GPHN: variants seen among roughly 807,000 people sequenced by gnomAD.
GPHN encodes gephyrin.
In GPHN, 17 loss-of-function variants were observed where a neutral mutation model predicts 95.5. The ratio of observed to expected loss-of-function variants is 0.18; its 90% CI spans 0.12 to 0.27. The LOEUF (loss-of-function observed/expected upper bound fraction) is 0.27, where lower values mean the gene tolerates loss of function less well. Among genes scored for constraint, GPHN ranks in the 10% least tolerant of loss-of-function variants. GPHN has a pLI of 1.00. For synonymous variants in GPHN, 320 were observed against 322.5 expected (o/e 0.99, Z 0.08); for missense variants, 660 against 978.1 (o/e 0.67, Z 4.34).
the GPHN span, chr14:67,734,156 A>T: frequency 5.1e-5 from 17 of 331,442 alleles, no homozygotes; most frequent in African/African-American, 3.4e-4. Flanking sequence ...AGCCCGAGAA[A>T]TTGGGTCAGT....
At chr14:67,003,127 T>G (rs542647338) in intron 9 of GPHN, among the ~76,000 whole-genome samples, 6 of 151,766 alleles carry the variant, frequency 4.0e-5, no homozygotes, top group African/African-American at 1.4e-4. Flanking sequence ...TCCCATTTAG[T>G]GTCTGGATTA....
intron 11 of GPHN, among the ~76,000 whole-genome samples, chr14:67,063,039 T>G (rs2075888766): frequency 6.6e-6 from 1 of 152,204 alleles, no homozygotes; most frequent in Non-Finnish European, 1.5e-5. Context: ...TCTTCTAGGA[T>G]TTTTATGGTT....
chr14:66,656,129 A>G (rs1394277205), intron 1 of GPHN, among the ~76,000 whole-genome samples: 2 of 152,022 alleles, frequency 1.3e-5, no homozygotes, highest in African/African-American at 4.8e-5. Context: ...ATCCATTTGG[A>G]TATTCCCTCC....
At chr14:67,103,243 T>C (rs1047600909) in intron 13 of GPHN, among the ~76,000 whole-genome samples, 2 of 152,168 alleles carry the variant, frequency 1.3e-5, no homozygotes, top group Non-Finnish European at 1.5e-5. Flanking sequence ...GTCCAAACCA[T>C]GCTATTTCAG....
intron 2 of GPHN, among the ~76,000 whole-genome samples, chr14:66,726,635 T>C (rs1213749119): frequency 6.6e-6 from 1 of 152,226 alleles, no homozygotes; most frequent in Non-Finnish European, 1.5e-5. Context: ...GCCTCATATG[T>C]ATTCAAATAT....
At chr14:67,491,268 C>T in the GPHN span, among the ~76,000 whole-genome samples, 1 of 152,212 alleles carries the variant, frequency 6.6e-6, no homozygotes, top group South Asian at 2.1e-4. Flanking sequence ...CCCACCAGCA[C>T]CGCCACATGT....
the GPHN span, chr14:67,686,297 G>T: frequency 1.3e-5 from 2 of 152,202 alleles, no homozygotes; most frequent in Non-Finnish European, 2.9e-5. Context: ...ACCTCACAGG[G>T]TAGTTATGAG....
At chr14:67,323,261 G>GTGTATATA in the GPHN span, among the ~76,000 whole-genome samples, 1,496 of 124,162 alleles carry the variant, frequency 0.012, 42 homozygotes, top group African/African-American at 0.038. Context: ...GTGTGTGTGT[G>GTGTATATA]TATATATATA....
At chr14:67,065,460 A>G (rs564215238) in intron 11 of GPHN, among the ~76,000 whole-genome samples, 4 of 152,302 alleles carry the variant, frequency 2.6e-5, no homozygotes, top group East Asian at 1.9e-4. Flanking sequence ...TGCTTGGTCC[A>G]GAGCTGAGTT....
chr14:67,575,245 G>T, the GPHN span: 1 of 582,838 alleles, frequency 1.7e-6, no homozygotes, highest in Non-Finnish European at 3.1e-6. Context: ...ACTGTGAAAG[G>T]GGTGGTTCCA....
the GPHN span, among the ~76,000 whole-genome samples, chr14:67,314,480 C>A: frequency 3.3e-4 from 50 of 152,280 alleles, no homozygotes; most frequent in African/African-American, 1.2e-3. Flanking sequence ...GAATGGACTT[C>A]TTACATTTAT....
intron 9 of GPHN, among the ~76,000 whole-genome samples, chr14:67,007,915 C>T (rs1383381307): frequency 6.6e-6 from 1 of 152,092 alleles, no homozygotes; most frequent in Non-Finnish European, 1.5e-5. Context: ...AAACTAGACT[C>T]GTTTTTCATT....
the GPHN span, among the ~76,000 whole-genome samples, chr14:67,496,403 T>TTTTTG: frequency 2.3e-5 from 3 of 127,674 alleles, no homozygotes; most frequent in Non-Finnish European, 3.3e-5. Flanking sequence ...TTTTTTTTTT[T>TTTTTG]TTTTTTTTTT....
the GPHN span, among the ~76,000 whole-genome samples, chr14:67,668,204 T>A: frequency 6.6e-6 from 1 of 152,136 alleles, no homozygotes; most frequent in Non-Finnish European, 1.5e-5. Context: ...AAACTAGAAA[T>A]CATGACCACA....
the GPHN span, chr14:67,569,865 A>G: frequency 8.8e-7 from 1 of 1,140,444 alleles, no homozygotes; most frequent in Non-Finnish European, 1.3e-6. Flanking sequence ...TGCTTCCCCC[A>G]CACCCCTTCC....
chr14:66,628,026 C>T (rs1160541716), intron 1 of GPHN, among the ~76,000 whole-genome samples: 1 of 152,024 alleles, frequency 6.6e-6, no homozygotes. Context: ...TAAAAAGAGT[C>T]AGTCAGCTCT....
Position 66,946,494 on chromosome 14 carries a change from C to T in GPHN, c.829-18697C>T, listed in dbSNP as rs1000134323. ...AATCTCGGCTCGCTGCAAACTCCAC[C>T]TCCGGGGTTCAAGTGATTCTCCTGC... On this transcript the variant is annotated intron_variant, in intron 8 of 22. Transcript: ENST00000478722. Among the ~76,000 whole-genome samples the T allele has an allele frequency of 3.3e-5, 5 of 152,150 alleles. No homozygotes were observed. In the East Asian group the frequency reaches 9.6e-4, roughly 29 times the overall value.
chr14:66,976,921 G>C (rs900497655), intron 9 of GPHN, among the ~76,000 whole-genome samples: 2 of 138,768 alleles, frequency 1.4e-5, no homozygotes, highest in South Asian at 5.5e-4. Context: ...TATGTGGGGG[G>C]GGGGGGAGTA....
chr14:66,928,498 G>GT (rs1417923391), intron 8 of GPHN, among the ~76,000 whole-genome samples: 1 of 151,858 alleles, frequency 6.6e-6, no homozygotes, highest in African/African-American at 2.4e-5. Context: ...CTTTTGTACT[G>GT]TTTTTTGTTT....
Sources: allele counts gnomAD v4.1 joint callset (sites outside exome capture counted in the v4.1 genomes callset), GRCh38; gene constraint gnomAD v4.1.1; transcripts MANE v1.5; gene names NCBI Gene and HGNC (gene_info 2026-07-23, HGNC 2026-07-21).